The following CFAP74 variants were observed in gnomAD, a reference collection of about 807,000 sequenced individuals.
CFAP74 encodes cilia and flagella associated protein 74, also known as cilia- and flagella-associated protein 74.
A neutral mutation model predicts 188.9 loss-of-function variants in CFAP74; 124 were observed. The ratio of observed to expected loss-of-function variants is 0.66; its 90% CI spans 0.57 to 0.76. CFAP74 has a LOEUF of 0.76. Among genes scored for constraint, CFAP74 ranks in the 30% least tolerant of loss-of-function variants. The probability of loss-of-function intolerance (pLI) is 0.00; values close to 1 mark genes in which losing one functional copy is unlikely to be tolerated. For synonymous variants in CFAP74, 956 were observed against 916.7 expected, an observed-to-expected ratio of 1.04 and a Z score of -0.77; for missense variants, 2,198 against 2,165.2, an observed-to-expected ratio of 1.02 and a Z score of -0.30.
intron 3 of CFAP74, 88 bp downstream of exon 3, chr1:1,988,801 G>A: frequency 9.9e-7 from 1 of 1,010,746 alleles, no homozygotes; most frequent in Non-Finnish European, 1.4e-6. Flanking sequence ...GGAGGAAGCA[G>A]CCGCCCCGCT....
At position 1,975,263 on chromosome 1, in the gene CFAP74, C is replaced by T. The variant is rs1412726617; in HGVS notation, c.501-1065G>A. 6.6e-6 allele frequency among the ~76,000 whole-genome samples: 1 copy of T among 152,232 alleles called. No homozygotes were observed. Among genetic ancestry groups the T allele is most frequent in the Non-Finnish European group, 1.5e-5 (1 of 68,048 alleles). ...CCCTCCGTGAATAAAGTCTGCTTTA[C>T]ATCTTTTTGAAAAAATCATGAACAT... On this transcript the variant is annotated intron_variant, in intron 6 of 38. Coordinates refer to ENST00000682832, the MANE Select transcript of CFAP74 (RefSeq NM_001304360.2). This position sits in a 1 kb window ranked among gnomAD's most constrained non-coding sequence, Gnocchi z 4.5.
intron 1 of CFAP74, among the ~76,000 whole-genome samples, chr1:2,002,856 A>T (rs1658273724): frequency 6.6e-6 from 1 of 150,744 alleles, no homozygotes; most frequent in Non-Finnish European, 1.5e-5. Context: ...AAATAAGTGA[A>T]AGTTAACTAT....
At position 1,986,963 on chromosome 1, in the gene CFAP74, G is replaced by C; in HGVS notation, c.369C>G (p.Ile123Met). Residue 123 changes from isoleucine (I) to methionine (M), a missense_variant, in exon 5 of 39, where the codon ATC becomes ATG. By Grantham distance (10) the Ile-to-Met change is conservative. Transcript: ENST00000682832. ...DKQQEAVAAE[I>M]ATEEEAGNMA... ...TGTTGCCCGCCTCTTCCTCTGTGGC[G>C]ATCTCGGCTGCCACAGCCTCCTGCT... is the stretch of plus-strand genomic sequence containing the variant. 6.2e-7 allele frequency: 1 copy of C among 1,601,706 alleles called. No homozygotes were observed. The highest frequency in any genetic ancestry group is 1.1e-5 in the South Asian group (1 of 91,018).
intron 4 of CFAP74, chr1:1,987,962 T>C (rs1657347883): frequency 8.2e-6 from 3 of 364,062 alleles, no homozygotes; most frequent in Admixed American, 7.3e-5. Context: ...CAGAAGAACA[T>C]TTGTCTTTCA....
At position 1,923,191 on chromosome 1, in the gene CFAP74, A is replaced by T. The variant is rs1015119192; in HGVS notation, c.4523-46T>A. On this transcript the variant is annotated intron_variant, in intron 36 of 38. Transcript: ENST00000682832. This position sits in a 1 kb window ranked among gnomAD's most constrained non-coding sequence, Gnocchi z 6.3. ...GAGCTGTTCAGGGTCAGGCTGAGGC[A>T]TGGGGTGAGGCTGCAGCTGGACTCC... The T allele has an allele frequency of 6.4e-7, 1 of 1,560,718 alleles. No individual in the cohort carries two copies. The highest frequency in any genetic ancestry group is 1.4e-5 in the African/African-American group (1 of 72,810).
rs781094581 is a variant in CFAP74 at position 1,963,784 on chromosome 1, G to A, written c.1659C>T (p.Gly553=). 1.4e-5 allele frequency: 22 copies of A among 1,613,676 alleles called. No homozygotes were observed. Among genetic ancestry groups the A allele is most frequent in the African/African-American group, 4.0e-5 (3 of 74,892 alleles). ...TGAAGTCCCGGAGGTGCTCCTCCAC[G>A]CCCACCAGCTTGCAGTAGTTGATCG... The part of the protein sequence containing the change: ...TYTINYCKLV[G]VEEHLRDFIH... Residue 553 remains glycine, a synonymous_variant, in exon 14 of 39, where the codon GGC becomes GGT. Transcript: ENST00000682832.
chr1:1,940,534 C>A (rs190843335), intron 22 of CFAP74, 131 bp from the exon 23 acceptor site: 3 of 650,786 alleles, frequency 4.6e-6, no homozygotes, highest in Non-Finnish European at 7.6e-6. Context: ...CGCTGGGAGA[C>A]GCATCGCGCC....
chr1:1,966,147 G>C (rs1168291388), intron 12 of CFAP74, among the ~76,000 whole-genome samples: 1 of 152,204 alleles, frequency 6.6e-6, no homozygotes, highest in Non-Finnish European at 1.5e-5. Flanking sequence ...TGGGGTCGTC[G>C]AGCACGCGTG....
At chr1:1,929,043 T>C (rs1480275350) in intron 26 of CFAP74, among the ~76,000 whole-genome samples, 161 bp from the exon 27 acceptor site, 1 of 151,952 alleles carries the variant, frequency 6.6e-6, no homozygotes, top group African/African-American at 2.4e-5. Flanking sequence ...CTCCCTGACC[T>C]CTGTCCCCCA....
At chr1:1,976,414 G>A (rs1656446837) in intron 6 of CFAP74, among the ~76,000 whole-genome samples, 1 of 152,068 alleles carries the variant, frequency 6.6e-6, no homozygotes, top group African/African-American at 2.4e-5. Context: ...CTCACCATGG[G>A]AGACACGGCT....
At chr1:1,980,400 CCGG>C (rs1656759139) in intron 6 of CFAP74, among the ~76,000 whole-genome samples, 1 of 101,798 alleles carries the variant, frequency 9.8e-6, no homozygotes, top group African/African-American at 3.8e-5. Context: ...ATCTAAGCCA[CCGG>C]CACAGATCGC....
At chr1:1,927,309 G>A (rs1298183725) in intron 28 of CFAP74, 4 of 574,226 alleles carry the variant, frequency 7.0e-6, no homozygotes, top group Non-Finnish European at 1.2e-5. Context: ...GGGGCCACAG[G>A]CACCCATTAG....
At chr1:1,937,747 T>C (rs1652997318) in intron 25 of CFAP74, among the ~76,000 whole-genome samples, 1 of 151,998 alleles carries the variant, frequency 6.6e-6, no homozygotes, top group Non-Finnish European at 1.5e-5. Context: ...GTTTCATCTC[T>C]CCCTCTCCAC....
chr1:1,970,781 G>T lies in CFAP74; in HGVS notation c.924C>A (p.Ala308=). 3 of 1,614,150 alleles carry T rather than the reference G, an allele frequency of 1.9e-6. No homozygotes were observed. Among genetic ancestry groups the T allele is most frequent in the Non-Finnish European group, 2.5e-6 (3 of 1,180,012 alleles). ...CCCTCTGCTCCGCCAGCTCTGCCTT[G>T]GCACGGTCCCATGCTTGGAACTTCC... ...TLRKFQAWDR[A]KAELAEQRVQ... Residue 308 remains alanine, a synonymous_variant, in exon 10 of 39, where the codon GCC becomes GCA. Coordinates refer to ENST00000682832, the MANE Select transcript of CFAP74 (RefSeq NM_001304360.2).
At chr1:1,938,444 A>T (rs1454516780) in intron 25 of CFAP74, among the ~76,000 whole-genome samples, 1 of 150,756 alleles carries the variant, frequency 6.6e-6, no homozygotes, top group Non-Finnish European at 1.5e-5. Context: ...CTGCAGGCTC[A>T]CACACACACT....
intron 10 of CFAP74, among the ~76,000 whole-genome samples, chr1:1,970,074 G>A (rs933914141): frequency 6.6e-6 from 1 of 152,208 alleles, no homozygotes; most frequent in Non-Finnish European, 1.5e-5. Flanking sequence ...AAGCCCAGTG[G>A]GGCCCGTGGG....
At chr1:1,948,956 TACTCCCTTCCTTCCTCCTTCCCTCCCTC>T (rs1570890107) in intron 18 of CFAP74, among the ~76,000 whole-genome samples, 40 of 10,104 alleles carry the variant, frequency 4.0e-3, no homozygotes, top group East Asian at 7.0e-3. Context: ...TTCCCTCCCT[TACTCCCTTCCTTCCTCCTTCCCTCCCTC>T]CTTTCCTTCA....
At chr1:1,948,959 TCCC>T (rs1654003694) in intron 18 of CFAP74, among the ~76,000 whole-genome samples, 2 of 21,050 alleles carry the variant, frequency 9.5e-5, no homozygotes, top group Non-Finnish European at 1.9e-4. Context: ...CCTCCCTTAC[TCCC>T]TTCCTTCCTC....
chr1:1,942,065 G>A lies in CFAP74; in HGVS notation c.2578C>T (p.Gln860Ter). 1 of 1,532,080 alleles carries A rather than the reference G, an allele frequency of 6.5e-7. No homozygotes were observed. The highest frequency in any genetic ancestry group is 8.7e-7 in the Non-Finnish European group (1 of 1,145,342). 94.9% of individuals were successfully genotyped at this position (1,532,080 alleles called of 1,614,324 possible). A position where few individuals can be genotyped will look rare whatever the true frequency, so the allele number is the denominator to read the frequency against. ...LLPKTGYIQA[Q>*]SSYSVQLKFL... Reference sequence around the variant, plus strand: ...TTGAGCTGCACGGAGTAGGACGACTGTGCCTGGATATAGCCTGTCTTGGGC... The same window carrying A: ...TTGAGCTGCACGGAGTAGGACGACTATGCCTGGATATAGCCTGTCTTGGGC... The change falls in exon 22 of 39, where the codon CAG becomes TAG. Residue 860 changes from glutamine (Q) to a stop codon, truncating the protein, a stop_gained. Transcript: ENST00000682832. LOFTEE classifies it high-confidence loss of function. This position sits in a 1 kb window ranked among gnomAD's most constrained non-coding sequence, Gnocchi z 4.3.
Sources: allele counts gnomAD v4.1 joint callset (sites outside exome capture counted in the v4.1 genomes callset), GRCh38; gene constraint gnomAD v4.1.1; non-coding constraint Gnocchi (gnomAD v3.1); transcripts MANE v1.5; gene names NCBI Gene and HGNC (gene_info 2026-07-23, HGNC 2026-07-21).